Variants in NAV2 observed in about 807,000 individuals in gnomAD.
NAV2 encodes neuron navigator 2, also known as helicase, APC down-regulated 1.
In NAV2, 54 loss-of-function variants were observed where a neutral mutation model predicts 223.2. That is an observed-to-expected ratio of 0.24 (90% CI 0.19 to 0.30). The LOEUF (loss-of-function observed/expected upper bound fraction) is 0.30, where lower values mean the gene tolerates loss of function less well. NAV2 is among the 10% of genes least tolerant of loss of function. NAV2 has a pLI of 1.00. For missense variants in NAV2, 2,806 were observed against 3,147.5 expected, an observed-to-expected ratio of 0.89 and a Z score of 2.60; for synonymous variants, 1,279 against 1,239.3, an observed-to-expected ratio of 1.03 and a Z score of -0.67.
At chr11:19,427,066 G>A (rs7483968) in intron 1 of NAV2, among the ~76,000 whole-genome samples, 46,471 of 151,982 alleles carry the variant, frequency 0.31, 7,642 homozygotes, top group South Asian at 0.44. Context: ...GACACTCTTA[G>A]CCTCCAGATT....
At chr11:19,708,312 G>T (rs978710145), upstream of NAV2, among the ~76,000 whole-genome samples, 2 of 152,086 alleles carry the variant, frequency 1.3e-5, no homozygotes, top group Admixed American at 6.5e-5. Context: ...CAACCCATTT[G>T]TAGAAAATTA....
At chr11:19,770,790 G>T (rs772174233) in intron 1 of NAV2, among the ~76,000 whole-genome samples, 3 of 152,096 alleles carry the variant, frequency 2.0e-5, no homozygotes, top group Admixed American at 6.5e-5. Flanking sequence ...GAAATGACAC[G>T]TAATCTTCAC....
chr11:19,707,453 T>C (rs940195050), intron 1 of NAV2, among the ~76,000 whole-genome samples: 1 of 152,178 alleles, frequency 6.6e-6, no homozygotes, highest in African/African-American at 2.4e-5. Context: ...AACAGACACA[T>C]TAGCCTAGGC....
intron 11 of NAV2, among the ~76,000 whole-genome samples, chr11:19,994,137 G>T (rs1195355438): frequency 6.6e-6 from 1 of 152,204 alleles, no homozygotes; most frequent in Non-Finnish European, 1.5e-5. Context: ...TTTCCTGCCA[G>T]TGATGATGTG....
chr11:19,349,137 C>A (rs1564866718), upstream of NAV2, among the ~76,000 whole-genome samples: 1 of 152,228 alleles, frequency 6.6e-6, no homozygotes, highest in African/African-American at 2.4e-5. Flanking sequence ...TACAAGATAA[C>A]CTTCTGAACA....
intron 6 of NAV2, among the ~76,000 whole-genome samples, chr11:19,906,861 G>T (rs987577089): frequency 6.6e-6 from 1 of 152,128 alleles, no homozygotes; most frequent in Non-Finnish European, 1.5e-5. Context: ...GGGATTCTTG[G>T]TATTCACAGG....
intron 1 of NAV2, among the ~76,000 whole-genome samples, chr11:19,397,232 C>G (rs1849487430): frequency 6.6e-6 from 1 of 152,132 alleles, no homozygotes; most frequent in Admixed American, 6.5e-5. Context: ...TATGGGTAGG[C>G]ATTTTCCTTC....
intron 1 of NAV2, chr11:19,777,580 C>A (rs2056357748): frequency 4.4e-6 from 2 of 453,182 alleles, no homozygotes; most frequent in Admixed American, 4.7e-5. Context: ...CCCCACCCCG[C>A]CCCCCATCCC....
At chr11:19,547,387 C>G (rs958703376) in intron 1 of NAV2, among the ~76,000 whole-genome samples, 1 of 152,214 alleles carries the variant, frequency 6.6e-6, no homozygotes, top group Non-Finnish European at 1.5e-5. Flanking sequence ...ACTGCTGACA[C>G]CAAAATAGCT....
intron 1 of NAV2, among the ~76,000 whole-genome samples, chr11:19,755,311 C>A (rs769894201): frequency 1.3e-5 from 2 of 152,206 alleles, no homozygotes; most frequent in Non-Finnish European, 2.9e-5. Flanking sequence ...GAGGTGAAAT[C>A]TGAACTCTGT....
chr11:19,530,148 G>A (rs1368811327), intron 1 of NAV2, among the ~76,000 whole-genome samples: 3 of 152,188 alleles, frequency 2.0e-5, no homozygotes, highest in African/African-American at 7.2e-5. Context: ...ACCATAGCCT[G>A]GCATTAGCAT....
intron 4 of NAV2, among the ~76,000 whole-genome samples, chr11:19,869,223 T>G (rs556102541): frequency 3.3e-5 from 5 of 152,090 alleles, no homozygotes; most frequent in African/African-American, 1.2e-4. Context: ...CCTGAGAGGG[T>G]AGTGAAGGGG....
At chr11:19,983,859 C>G (rs2050516102) in intron 10 of NAV2, among the ~76,000 whole-genome samples, 2 of 152,214 alleles carry the variant, frequency 1.3e-5, no homozygotes, top group African/African-American at 4.8e-5. Flanking sequence ...TAGTTCCCGT[C>G]TGCGTCGTAG....
At chr11:19,799,201 C>T (rs2058086293) in intron 1 of NAV2, among the ~76,000 whole-genome samples, 1 of 152,214 alleles carries the variant, frequency 6.6e-6, no homozygotes, top group Non-Finnish European at 1.5e-5. Flanking sequence ...CTTATGCCCA[C>T]ATGAATTCCA....
In NAV2 at chr11:20,101,166, C is replaced by T. The variant is rs2061609376; in HGVS notation, c.6411C>T (p.Ser2137=). 1 of 1,610,508 alleles carries T rather than the reference C, an allele frequency of 6.2e-7. No individual in the cohort carries two copies. The highest frequency in any genetic ancestry group is 8.5e-7 in the Non-Finnish European group (1 of 1,176,982). The part of the protein sequence containing the change: ...VIATFNVDHK[S]SKELRQYLSN... ...CCACCTTTAACGTGGACCATAAGTC[C>T]AGCAAGGTGAGGAGGTCATTCTGAG... Residue 2137 remains serine (S), a synonymous_variant, in exon 32 of 38, where the codon TCC becomes TCT. Transcript: ENST00000349880.
chr11:19,944,455 CTCTT>C (rs890807472), intron 8 of NAV2, among the ~76,000 whole-genome samples: 3 of 151,338 alleles, frequency 2.0e-5, no homozygotes, highest in Non-Finnish European at 2.9e-5. Flanking sequence ...TCCTTTTCTT[CTCTT>C]TCTTTCTTTT....
At chr11:19,903,653 G>GAA (rs112597308) in intron 6 of NAV2, among the ~76,000 whole-genome samples, 1 of 135,770 alleles carries the variant, frequency 7.4e-6, no homozygotes. Context: ...AAAAGTTTAA[G>GAA]AAAAAAAAAA....
intron 1 of NAV2, among the ~76,000 whole-genome samples, chr11:19,623,026 C>G (rs569616852): frequency 6.6e-6 from 1 of 152,234 alleles, no homozygotes; most frequent in African/African-American, 2.4e-5. Context: ...ACTTATGAAG[C>G]TTAGTTTGGC....
In NAV2 at chr11:19,781,056, C is replaced by T. The variant is rs566271295; in HGVS notation, c.268-51428C>T. On this transcript the variant is annotated intron_variant, in intron 1 of 37. Transcript: ENST00000349880. Reference sequence around the variant, plus strand: ...TACTTTGAGCTTTATGTGTATGATTCTATTTCATCTTCTCTACAATCCTCT... The same window carrying T: ...TACTTTGAGCTTTATGTGTATGATTTTATTTCATCTTCTCTACAATCCTCT... 5.3e-5 allele frequency among the ~76,000 whole-genome samples: 8 copies of T among 152,292 alleles called. No individual in the cohort carries two copies. In the South Asian group the frequency reaches 1.7e-3, roughly 32 times the overall value.
Sources: allele counts gnomAD v4.1 joint callset (sites outside exome capture counted in the v4.1 genomes callset), GRCh38; gene constraint gnomAD v4.1.1; transcripts MANE v1.5; gene names NCBI Gene and HGNC (gene_info 2026-07-23, HGNC 2026-07-21).